EPS15: variants seen among roughly 807,000 people sequenced by gnomAD.
EPS15 encodes epidermal growth factor receptor pathway substrate 15.
A neutral mutation model predicts 113.8 loss-of-function variants in EPS15; 72 were observed. That is an observed-to-expected ratio of 0.63 (90% CI 0.52 to 0.77). The LOEUF (loss-of-function observed/expected upper bound fraction) is 0.77. Ranked by LOEUF, EPS15 falls within the 30% of genes least tolerant of loss-of-function variation. The pLI is 0.00. For synonymous variants in EPS15, 344 were observed against 363.4 expected, an observed-to-expected ratio of 0.95 and a Z score of 0.61; for missense variants, 1,048 against 1,045.8, an observed-to-expected ratio of 1.00 and a Z score of -0.03.
intron 1 of EPS15, among the ~76,000 whole-genome samples, chr1:51,482,951 T>C (rs1187649324): frequency 1.3e-5 from 2 of 151,480 alleles, no homozygotes; most frequent in Admixed American, 1.3e-4. Flanking sequence ...AGTTTCCCCT[T>C]ATCCACAGTT....
chr1:51,480,317 C>T (rs1300791222), intron 2 of EPS15, among the ~76,000 whole-genome samples: 1 of 152,180 alleles, frequency 6.6e-6, no homozygotes, highest in African/African-American at 2.4e-5. Flanking sequence ...AGATTGTCTA[C>T]ACCTTCAAGA....
At chr1:51,457,508 ATCT>A (rs1654099263) in intron 8 of EPS15, 2 of 111,198 alleles carry the variant, frequency 1.8e-5, no homozygotes, top group Non-Finnish European at 3.7e-5. Context: ...TTGGAATATT[ATCT>A]TTTTTTTTTT....
At chr1:51,373,846 G>A (rs749292391) in intron 21 of EPS15, among the ~76,000 whole-genome samples, 17 of 152,130 alleles carry the variant, frequency 1.1e-4, no homozygotes, top group Non-Finnish European at 2.4e-4. Context: ...AGCTACTTGG[G>A]AGGCTGAGGC....
At chr1:51,454,131 A>G (rs1653802388) in intron 8 of EPS15, among the ~76,000 whole-genome samples, 1 of 152,008 alleles carries the variant, frequency 6.6e-6, no homozygotes, top group Non-Finnish European at 1.5e-5. Flanking sequence ...GTAAACAGTT[A>G]ATTTTAATAC....
chr1:51,428,628 A>C (rs892481423), intron 12 of EPS15, among the ~76,000 whole-genome samples: 4 of 151,952 alleles, frequency 2.6e-5, no homozygotes, highest in Admixed American at 6.6e-5. Context: ...GGAGTTCGAG[A>C]CCAGCCTGGC....
chr1:51,500,984 CA>C (rs1186095022), intron 1 of EPS15, among the ~76,000 whole-genome samples: 4,888 of 130,590 alleles, frequency 0.037, 124 homozygotes, highest in Non-Finnish European at 0.056. Context: ...AACTCCATCT[CA>C]AAAAAAAAAA....
chr1:51,422,166 T>TGAAAC lies in EPS15; in HGVS notation c.1041-309_1041-308insGTTTC, dbSNP rs781499819. On this transcript the variant is annotated intron_variant, in intron 12 of 24. Transcript: ENST00000371733. ...ACTGATGTCACTGTTGCTATGGAAATAGTGTCCAATGAAAATTGCTGGTAA... is the reference window on the plus strand; with the variant it reads ...ACTGATGTCACTGTTGCTATGGAAATGAAACAGTGTCCAATGAAAATTGCTGGTAA... 1.1e-3 allele frequency: 600 copies of TGAAAC among 562,580 alleles called. 2 individuals are homozygous for TGAAAC. The highest frequency in any genetic ancestry group is 1.3e-3 in the Non-Finnish European group (534 of 411,574). The allele number at this position is 562,580 out of a possible 1,614,324, so 34.8% of individuals were successfully genotyped here. A position where few individuals can be genotyped will look rare whatever the true frequency, so the allele number is the denominator to read the frequency against.
rs539890685 is a variant in EPS15, at chr1:51,363,446, GACTTTAT to G, written c.2359+413_2359+419del. Among the ~76,000 whole-genome samples, 13 of 152,212 alleles carry G rather than the reference GACTTTAT, an allele frequency of 8.5e-5. No individual in the cohort carries two copies. The South Asian group carries it at 2.5e-3, about 29-fold the overall frequency. ...TTCTCACATTAAAGGATTTAAGGAAGACTTTATACTTTACAGGAAAAGGACTTTGAAA... is the reference window on the plus strand; with the variant it reads ...TTCTCACATTAAAGGATTTAAGGAAGACTTTACAGGAAAAGGACTTTGAAA... On this transcript the variant is annotated intron_variant, in intron 23 of 24. Coordinates refer to ENST00000371733, the MANE Select transcript of EPS15 (RefSeq NM_001981.3).
At chr1:51,469,923 T>C (rs985017265) in intron 4 of EPS15, among the ~76,000 whole-genome samples, 5 of 151,952 alleles carry the variant, frequency 3.3e-5, no homozygotes, top group Non-Finnish European at 7.4e-5. Context: ...GGAAAGTATC[T>C]TCCTGGAAGC....
intron 12 of EPS15, among the ~76,000 whole-genome samples, chr1:51,440,054 T>C (rs1409364293): frequency 1.3e-5 from 2 of 152,196 alleles, no homozygotes; most frequent in South Asian, 2.1e-4. Context: ...CAGTACCTTA[T>C]AGTTAATGGC....
intron 7 of EPS15, 139 bp from the exon 8 acceptor site, chr1:51,461,289 GGA>G: frequency 1.6e-6 from 1 of 634,416 alleles, no homozygotes; most frequent in Admixed American, 2.7e-5. Context: ...GGCCAAGGCA[GGA>G]GGATCACTTC....
At chr1:51,482,652 G>C (rs1220418979) in intron 1 of EPS15, among the ~76,000 whole-genome samples, 1 of 152,094 alleles carries the variant, frequency 6.6e-6, no homozygotes, top group Non-Finnish European at 1.5e-5. Flanking sequence ...TTTTAGTAGA[G>C]ATGGGGTTTC....
intron 21 of EPS15, among the ~76,000 whole-genome samples, chr1:51,380,955 CAATA>C (rs1269578765): frequency 7.9e-5 from 12 of 152,108 alleles, no homozygotes; most frequent in Admixed American, 7.2e-4. Context: ...GGACATTATA[CAATA>C]AATAAAGGGT....
chr1:51,479,229 T>C (rs1310250248), intron 2 of EPS15, among the ~76,000 whole-genome samples: 2 of 152,230 alleles, frequency 1.3e-5, no homozygotes, highest in African/African-American at 4.8e-5. Flanking sequence ...ATACCTTTTC[T>C]TCCACTTGAT....
At chr1:51,452,882 C>A (rs1653689217) in intron 8 of EPS15, among the ~76,000 whole-genome samples, 1 of 152,096 alleles carries the variant, frequency 6.6e-6, no homozygotes, top group African/African-American at 2.4e-5. Context: ...GATTTCTGGC[C>A]CCTGCACTCA....
At chr1:51,458,403 T>A (rs1654175591) in intron 8 of EPS15, 1 of 244,954 alleles carries the variant, frequency 4.1e-6, no homozygotes, top group Admixed American at 5.3e-5. Flanking sequence ...CTACTGTTTA[T>A]CAAATGATGA....
chr1:51,454,554 A>G (rs534518933), intron 8 of EPS15, among the ~76,000 whole-genome samples: 2 of 152,240 alleles, frequency 1.3e-5, no homozygotes, highest in African/African-American at 4.8e-5. Context: ...TCATTTGTCC[A>G]GTCTAGTCAC....
At chr1:51,486,725 C>T (rs1464059491) in intron 1 of EPS15, among the ~76,000 whole-genome samples, 3 of 151,978 alleles carry the variant, frequency 2.0e-5, no homozygotes, top group Non-Finnish European at 4.4e-5. Context: ...GTTACCCAGG[C>T]TGGAGTACAG....
intron 16 of EPS15, among the ~76,000 whole-genome samples, chr1:51,405,549 T>A (rs1012296181): frequency 6.6e-5 from 10 of 151,902 alleles, no homozygotes; most frequent in Non-Finnish European, 1.3e-4. Flanking sequence ...ATACAAAAAA[T>A]TAGCTGAGTG....
Sources: gnomAD v4.1 joint callset for allele counts (sites outside exome capture counted in the v4.1 genomes callset) on GRCh38, gnomAD v4.1.1 for gene constraint, MANE v1.5 for transcripts, NCBI Gene and HGNC (gene_info 2026-07-23, HGNC 2026-07-21) for gene names.